Variants in KIAA1217 observed in about 807,000 individuals in gnomAD.
KIAA1217 encodes the protein sickle tail protein homolog.
A neutral mutation model predicts 163.9 loss-of-function variants in KIAA1217; 88 were observed. That is an observed-to-expected ratio of 0.54 (90% CI 0.45 to 0.64). The LOEUF is 0.64. Ranked by LOEUF, KIAA1217 falls within the 30% of genes least tolerant of loss-of-function variation. KIAA1217 has a pLI of 0.00. For synonymous variants in KIAA1217, 903 were observed against 923.1 expected (o/e 0.98, Z 0.39); for missense variants, 2,372 against 2,475.0 (o/e 0.96, Z 0.88).
chr10:23,762,404 G>A (rs60604847), intron 1 of KIAA1217, among the ~76,000 whole-genome samples: 34 of 151,882 alleles, frequency 2.2e-4, no homozygotes, highest in African/African-American at 7.7e-4. Context: ...AGCACATCAA[G>A]AAACTTATCT....
At chr10:23,915,670 A>G (rs1420695042) in intron 1 of KIAA1217, among the ~76,000 whole-genome samples, 1 of 152,212 alleles carries the variant, frequency 6.6e-6, no homozygotes, top group African/African-American at 2.4e-5. Flanking sequence ...ATTCCAAAAC[A>G]AAGGGTTTAC....
chr10:23,869,124 G>GTTTTTTTTTTT lies in KIAA1217; in HGVS notation c.-320-138081_-320-138071dup, dbSNP rs58288361. ...GTGTAACGTGCAATCATGAAATGTAGTTTTTTTTTTTTTTTTTTTTTTTTT... is the reference window on the plus strand; with the variant it reads ...GTGTAACGTGCAATCATGAAATGTAGTTTTTTTTTTTTTTTTTTTTTTTTTTTTTTTTTTTT... On this transcript the variant is annotated intron_variant, in intron 1 of 18. Coordinates refer to the KIAA1217 transcript ENST00000376462. 1.3e-3 allele frequency among the ~76,000 whole-genome samples: 40 copies of GTTTTTTTTTTT among 31,724 alleles called. 11 individuals are homozygous for GTTTTTTTTTTT. Among genetic ancestry groups the GTTTTTTTTTTT allele is most frequent in the African/African-American group, 3.9e-3 (32 of 8,288 alleles). 20.8% of individuals were successfully genotyped at this position (31,724 alleles called of 152,430 possible).
At chr10:24,215,193 A>C (rs1410453333) in intron 1 of KIAA1217, among the ~76,000 whole-genome samples, 1 of 152,102 alleles carries the variant, frequency 6.6e-6, no homozygotes, top group Non-Finnish European at 1.5e-5. Context: ...TCTCCAGGGA[A>C]TGTTCCAGGG....
intron 3 of KIAA1217, among the ~76,000 whole-genome samples, chr10:24,407,044 T>G (rs2131244080): frequency 6.6e-6 from 1 of 152,286 alleles, no homozygotes. Flanking sequence ...AGCTCTGTCA[T>G]GGAATAAGCC....
chr10:24,182,380 T>C (rs1221766135), intron 2 of KIAA1217, among the ~76,000 whole-genome samples: 1 of 150,150 alleles, frequency 6.7e-6, no homozygotes, highest in Non-Finnish European at 1.5e-5. Flanking sequence ...GGGGGAGGGC[T>C]GCAGTGAGCC....
intron 2 of KIAA1217, among the ~76,000 whole-genome samples, chr10:24,191,943 A>T (rs1279904435): frequency 6.6e-6 from 1 of 152,144 alleles, no homozygotes; most frequent in East Asian, 1.9e-4. Context: ...TAGTAGAGAC[A>T]GAGTTTTGCC....
At chr10:24,357,275 G>T (rs1016204914) in intron 2 of KIAA1217, among the ~76,000 whole-genome samples, 1 of 152,190 alleles carries the variant, frequency 6.6e-6, no homozygotes, top group African/African-American at 2.4e-5. Flanking sequence ...GATGCAAGCT[G>T]GTCAGAATCT....
rs547958761 is a variant in KIAA1217 at position 23,831,291 on chromosome 10, A to G, written c.-321+136057A>G. ...TGAAACTGAAAAGCTTTTACACAGA[A>G]AAAAAAAAATGGAAAACCAAAAAAC... On this transcript the variant is annotated intron_variant, in intron 1 of 18. Coordinates refer to the KIAA1217 transcript ENST00000376462. 2.8e-5 allele frequency among the ~76,000 whole-genome samples: 4 copies of G among 141,752 alleles called. No homozygotes were observed. In the South Asian group the frequency reaches 8.4e-4, roughly 30 times the overall value. The allele number at this position is 141,752 out of a possible 152,430, so 93.0% of individuals were successfully genotyped here.
intron 6 of KIAA1217, among the ~76,000 whole-genome samples, chr10:24,479,796 A>T (rs1834232378): frequency 6.6e-6 from 1 of 152,162 alleles, no homozygotes; most frequent in Non-Finnish European, 1.5e-5. Context: ...AAGAGGGAGA[A>T]ATCTGAGGGG....
chr10:23,874,065 TATG>T (rs1454389708), intron 1 of KIAA1217, among the ~76,000 whole-genome samples: 1 of 152,084 alleles, frequency 6.6e-6, no homozygotes, highest in Admixed American at 6.6e-5. Flanking sequence ...TGCAATATTT[TATG>T]ATATCATTTC....
chr10:24,236,812 G>A (rs868425291), intron 2 of KIAA1217, among the ~76,000 whole-genome samples: 2 of 151,646 alleles, frequency 1.3e-5, no homozygotes, highest in Non-Finnish European at 2.9e-5. Context: ...CCAGCACGCC[G>A]GGCTAATTTT....
intron 2 of KIAA1217, among the ~76,000 whole-genome samples, chr10:24,099,113 G>A (rs1005679127): frequency 6.6e-5 from 10 of 151,796 alleles, no homozygotes; most frequent in East Asian, 1.9e-4. Flanking sequence ...TCCATTTCCC[G>A]GCTCCCAGGA....
chr10:24,164,709 G>T (rs1589738098), intron 2 of KIAA1217, among the ~76,000 whole-genome samples: 2 of 152,290 alleles, frequency 1.3e-5, no homozygotes, highest in African/African-American at 4.8e-5. Flanking sequence ...TGAGAACAAA[G>T]AGACTTGTGT....
At chr10:24,366,098 T>C (rs562869633) in intron 2 of KIAA1217, among the ~76,000 whole-genome samples, 1 of 152,298 alleles carries the variant, frequency 6.6e-6, no homozygotes, top group Admixed American at 6.5e-5. Context: ...AAATTTTCAT[T>C]TTTTAAGTCA....
intron 1 of KIAA1217, among the ~76,000 whole-genome samples, chr10:24,005,064 A>C (rs570036155): frequency 6.6e-6 from 1 of 152,360 alleles, no homozygotes; most frequent in South Asian, 2.1e-4. Flanking sequence ...GCACAGAAAA[A>C]GAGTAGCCAT....
chr10:23,854,441 G>A (rs1351427615), intron 1 of KIAA1217, among the ~76,000 whole-genome samples: 1 of 152,056 alleles, frequency 6.6e-6, no homozygotes, highest in East Asian at 1.9e-4. Flanking sequence ...CAACTATGTG[G>A]TCAATTTTGG....
intron 6 of KIAA1217, among the ~76,000 whole-genome samples, chr10:24,474,971 C>T (rs747729797): frequency 6.6e-6 from 1 of 152,226 alleles, no homozygotes; most frequent in Non-Finnish European, 1.5e-5. Context: ...GTAATCCCAG[C>T]ACTTTGGGAG....
chr10:23,844,728 C>T (rs1402858125), intron 1 of KIAA1217, among the ~76,000 whole-genome samples: 2 of 150,274 alleles, frequency 1.3e-5, no homozygotes, highest in African/African-American at 4.9e-5. Flanking sequence ...TAATTTGTGG[C>T]TCAACGTTTA....
chr10:24,203,225 C>G (rs1440386945), intron 2 of KIAA1217, among the ~76,000 whole-genome samples: 1 of 151,944 alleles, frequency 6.6e-6, no homozygotes, highest in African/African-American at 2.4e-5. Flanking sequence ...AGATACCTCC[C>G]CTTTTATTCT....
Sources: allele counts gnomAD v4.1 joint callset (sites outside exome capture counted in the v4.1 genomes callset), GRCh38; gene constraint gnomAD v4.1.1; transcripts MANE v1.5; gene names NCBI Gene and HGNC (gene_info 2026-07-23, HGNC 2026-07-21).